Variants in SLC12A7 observed in about 807,000 individuals in gnomAD.
SLC12A7 encodes the protein solute carrier family 12 member 7.
A neutral mutation model predicts 120.6 loss-of-function variants in SLC12A7; 100 were observed. That is an observed-to-expected ratio of 0.83 (90% CI 0.71 to 0.98). The LOEUF is 0.98. SLC12A7 is among the 50% of genes least tolerant of loss of function. The pLI is 0.00. For missense variants in SLC12A7, 1,373 were observed against 1,548.1 expected (o/e 0.89, Z 1.90); for synonymous variants, 760 against 678.0 (o/e 1.12, Z -1.88).
Position 1,112,031 on chromosome 5 carries a change from G to C in SLC12A7, c.-40C>G, listed in dbSNP as rs777919952. ...GACAGTCCCCGTCCCGGCCCGGCCC[G>C]CGCTGCGCCGCTCCCGCCGACGCCA... On this transcript the variant is annotated 5_prime_UTR_variant, in exon 1 of 24. Transcript: ENST00000264930. 2 of 1,228,532 alleles carry C rather than the reference G, an allele frequency of 1.6e-6. No individual in the cohort carries two copies. The highest frequency in any genetic ancestry group is 3.1e-5 in the African/African-American group (2 of 64,126). 76.1% of individuals were successfully genotyped at this position (1,228,532 alleles called of 1,614,324 possible).
upstream of SLC12A7, among the ~76,000 whole-genome samples, chr5:1,115,675 G>A (rs1743286943): frequency 6.6e-6 from 1 of 152,162 alleles, no homozygotes; most frequent in Admixed American, 6.5e-5. Flanking sequence ...CCTGGAGGAG[G>A]CCGGCCCTGG....
chr5:1,143,757 T>C, the SLC12A7 span, among the ~76,000 whole-genome samples: 5 of 152,158 alleles, frequency 3.3e-5, no homozygotes, highest in Admixed American at 6.5e-5. Context: ...CTGCAAGCCC[T>C]GCACCTTCCT....
chr5:1,064,194 G>A lies in SLC12A7; in HGVS notation c.2496C>T (p.Asp832=), dbSNP rs537355176. Residue 832 remains aspartate, a synonymous_variant, in exon 19 of 24, where the codon GAC becomes GAT. Transcript: ENST00000264930. ...HQALLVAKNV[D]SFPQNQERFG... The stretch of plus-strand genomic sequence containing the variant: ...AGCGCTCCTGGTTTTGCGGAAACGA[G>A]TCGACGTTCTTGGCCACCAGCAGAG... The A allele has an allele frequency of 6.2e-7, 1 of 1,612,400 alleles. No individual in the cohort carries two copies. Among genetic ancestry groups the A allele is most frequent in the South Asian group, 1.1e-5 (1 of 91,080 alleles).
In SLC12A7 at chr5:1,076,295, C is replaced by T. The variant is rs748193229; in HGVS notation, c.1749-59G>A. 9.2e-6 allele frequency: 13 copies of T among 1,416,782 alleles called. No homozygotes were observed. The Admixed American group carries it at 2.6e-4, about 29-fold the overall frequency. 87.8% of individuals were successfully genotyped at this position (1,416,782 alleles called of 1,614,324 possible). Reference sequence around the variant, plus strand: ...CTGGGCCCCCCTGAGCCCCCAGTCACTGCCACCTGGGAGACCACCCTTGTC... The same window carrying T: ...CTGGGCCCCCCTGAGCCCCCAGTCATTGCCACCTGGGAGACCACCCTTGTC... On this transcript the variant is annotated intron_variant, in intron 13 of 23. Coordinates refer to ENST00000264930, the MANE Select transcript of SLC12A7 (RefSeq NM_006598.3).
At chr5:1,112,878 C>A (rs550698253), upstream of SLC12A7, among the ~76,000 whole-genome samples, 287 of 134,424 alleles carry the variant, frequency 2.1e-3, 2 homozygotes, top group African/African-American at 7.7e-3. Context: ...GAGTCCCCCC[C>A]CCCACCCATG....
chr5:1,054,529 G>A (rs545306108), intron 22 of SLC12A7, among the ~76,000 whole-genome samples: 4 of 152,228 alleles, frequency 2.6e-5, no homozygotes, highest in African/African-American at 7.2e-5. Context: ...GAGCACTTGC[G>A]TTTCTGTGTT....
At chr5:1,106,995 A>T (rs1412807385) in intron 1 of SLC12A7, among the ~76,000 whole-genome samples, 1 of 152,236 alleles carries the variant, frequency 6.6e-6, no homozygotes, top group African/African-American at 2.4e-5. Flanking sequence ...CCCACCCTGT[A>T]CTGACTGTGT....
rs1359394280 is a variant in SLC12A7 at position 1,057,514 on chromosome 5, C to G, written c.2983G>C (p.Asp995His). 5 of 1,613,200 alleles carry G rather than the reference C, an allele frequency of 3.1e-6. No homozygotes were observed. In the Admixed American group the frequency reaches 6.7e-5, roughly 22 times the overall value. ...KLIAEKYRSR[D>H]TSLSGFKDLF... ...TCTTTGAAACCAGATAGGCTGGTGT[C>G]TCTGCTCCTGTACTTCTCAGCGATC... The change falls in exon 22 of 24, where the codon GAC (aspartate) becomes CAC (histidine). Residue 995 changes from aspartate (D) to histidine (H), a missense_variant. Transcript: ENST00000264930.
chr5:1,100,739 C>T (rs1481044990), intron 1 of SLC12A7, among the ~76,000 whole-genome samples: 1 of 152,234 alleles, frequency 6.6e-6, no homozygotes, highest in Non-Finnish European at 1.5e-5. Context: ...AGACACCTCC[C>T]AACTGAGGGG....
At chr5:1,087,998 C>T (rs183796374) in intron 5 of SLC12A7, among the ~76,000 whole-genome samples, 109 of 152,342 alleles carry the variant, frequency 7.2e-4, no homozygotes, top group Middle Eastern at 6.8e-3. Flanking sequence ...CAGCCTATGG[C>T]ACACGCTGGG....
intron 4 of SLC12A7, among the ~76,000 whole-genome samples, 155 bp downstream of exon 4, chr5:1,088,827 C>T (rs903564877): frequency 3.9e-5 from 6 of 152,018 alleles, no homozygotes; most frequent in Admixed American, 6.5e-5. Flanking sequence ...CGCTGAACGA[C>T]GTCTACACGG....
chr5:1,059,551 T>C (rs1319882335), intron 21 of SLC12A7, among the ~76,000 whole-genome samples: 1 of 152,140 alleles, frequency 6.6e-6, no homozygotes, highest in Non-Finnish European at 1.5e-5. Flanking sequence ...AGCATCCCGC[T>C]ACCAGGTGAC....
At chr5:1,133,265 G>A in the SLC12A7 span, among the ~76,000 whole-genome samples, 1 of 152,210 alleles carries the variant, frequency 6.6e-6, no homozygotes, top group Non-Finnish European at 1.5e-5. Flanking sequence ...TTAACCAGGC[G>A]CCCTGCGCTG....
chr5:1,064,738 CGAGGGGACGGCGAGGAGACGGTG>C (rs1736748831), intron 18 of SLC12A7, among the ~76,000 whole-genome samples: 1 of 122,714 alleles, frequency 8.1e-6, no homozygotes, highest in Non-Finnish European at 1.7e-5. Flanking sequence ...GAAGGGACAG[CGAGGGGACGGCGAGGAGACGGTG>C]AAGGGACAGC....
At chr5:1,108,436 C>T (rs561954484) in intron 1 of SLC12A7, among the ~76,000 whole-genome samples, 10 of 152,340 alleles carry the variant, frequency 6.6e-5, no homozygotes, top group African/African-American at 2.2e-4. Context: ...CATGACCTTC[C>T]GTTCCCGCAA....
Position 1,063,958 on chromosome 5 carries a change from C to A in SLC12A7, c.2625G>T (p.Arg875=), listed in dbSNP as rs753353677. 1.2e-6 allele frequency: 2 copies of A among 1,612,576 alleles called. No homozygotes were observed. The highest frequency in any genetic ancestry group is 1.7e-6 in the Non-Finnish European group (2 of 1,179,806). The change falls in exon 20 of 24, where the codon CGG becomes CGT. Residue 875 remains arginine, a synonymous_variant. Transcript: ENST00000264930. ...LRQHKVWRKC[R]MRIFTVAQVD... ...CCTGGGCCACGGTGAAGATACGCAT[C>A]CGGCACTTCCTCCACACCTGCAGAC...
At chr5:1,143,745 C>T in the SLC12A7 span, among the ~76,000 whole-genome samples, 3 of 152,216 alleles carry the variant, frequency 2.0e-5, no homozygotes, top group Non-Finnish European at 2.9e-5. Context: ...GCCCAGTCCC[C>T]TCTGCAAGCC....
chr5:1,099,216 A>C (rs771677826), intron 1 of SLC12A7, among the ~76,000 whole-genome samples: 2 of 152,152 alleles, frequency 1.3e-5, no homozygotes, highest in Non-Finnish European at 2.9e-5. Context: ...CCCATGGGCC[A>C]AAGAGCAGCA....
Position 1,060,408 on chromosome 5 carries a change from A to G in SLC12A7, c.2783T>C (p.Met928Thr), listed in dbSNP as rs1736059402. 1 of 1,613,666 alleles carries G rather than the reference A, an allele frequency of 6.2e-7. No homozygotes were observed. The highest frequency in any genetic ancestry group is 1.3e-5 in the African/African-American group (1 of 74,936). The change falls in exon 21 of 24, where the codon ATG (methionine) becomes ACG (threonine). Residue 928 changes from methionine (M) to threonine (T), a missense_variant. By Grantham distance (81) the Met-to-Thr change is moderately conservative. Coordinates refer to ENST00000264930, the MANE Select transcript of SLC12A7 (RefSeq NM_006598.3). ...ISAFTYERTLMMEQRSQMLKQ... is the reference protein window; with the variant it reads ...ISAFTYERTLTMEQRSQMLKQ... ...CAGCATCTGCGACCTCTGCTCCATC[A>G]TTAGTGTCCTCTCGTAGGTGAAAGC...
Sources: allele counts gnomAD v4.1 joint callset (sites outside exome capture counted in the v4.1 genomes callset), GRCh38; gene constraint gnomAD v4.1.1; transcripts MANE v1.5; gene names NCBI Gene and HGNC (gene_info 2026-07-23, HGNC 2026-07-21).